IGSF11: variants seen among roughly 807,000 people sequenced by gnomAD.
IGSF11 encodes immunoglobulin superfamily member 11.
IGSF11 carries 22 observed loss-of-function variants against 41.0 expected under a neutral mutation model. The ratio of observed to expected loss-of-function variants is 0.54; its 90% confidence interval spans 0.38 to 0.77. The LOEUF (loss-of-function observed/expected upper bound fraction) is 0.77. Among genes scored for constraint, IGSF11 ranks in the 30% least tolerant of loss-of-function variants. The pLI is 0.00. For synonymous variants in IGSF11, 219 were observed against 201.3 expected, an observed-to-expected ratio of 1.09 and a Z score of -0.74; for missense variants, 444 against 530.8, an observed-to-expected ratio of 0.84 and a Z score of 1.61.
chr3:118,907,767 A>G (rs1369097706), intron 4 of IGSF11, among the ~76,000 whole-genome samples: 1 of 152,240 alleles, frequency 6.6e-6, no homozygotes, highest in Non-Finnish European at 1.5e-5. Flanking sequence ...CACAAGTAGC[A>G]GCAATCTATA....
chr3:118,910,827 C>A (rs1050755553), intron 4 of IGSF11, among the ~76,000 whole-genome samples: 1 of 152,114 alleles, frequency 6.6e-6, no homozygotes, highest in Non-Finnish European at 1.5e-5. Flanking sequence ...CCACTTTTAA[C>A]CAGTAAAACT....
intron 1 of IGSF11, among the ~76,000 whole-genome samples, chr3:118,938,729 G>C (rs1012849841): frequency 3.3e-5 from 5 of 152,176 alleles, no homozygotes; most frequent in Non-Finnish European, 5.9e-5. Context: ...GGAGAGGCTG[G>C]ACACCTAATT....
At position 119,005,310 on chromosome 3, in the gene IGSF11, T is replaced by G. The variant is rs1311958566; in HGVS notation, c.52+29221A>C. Among the ~76,000 whole-genome samples the G allele has an allele frequency of 3.5e-3, 517 of 149,000 alleles. 3 individuals are homozygous for G. Among genetic ancestry groups the G allele is most frequent in the Non-Finnish European group, 6.0e-3 (403 of 67,488 alleles). Reference sequence around the variant, plus strand: ...CCCCTGCCTTTTTTTGTTTTCCATTTGCTTGGTAGATCTTCCTCCACCCTT... The same window carrying G: ...CCCCTGCCTTTTTTTGTTTTCCATTGGCTTGGTAGATCTTCCTCCACCCTT... On this transcript the variant is annotated intron_variant, in intron 1 of 6. Transcript: ENST00000393775.
At chr3:119,040,334 T>C (rs1941072595) in intron 1 of IGSF11, among the ~76,000 whole-genome samples, 1 of 152,182 alleles carries the variant, frequency 6.6e-6, no homozygotes, top group South Asian at 2.1e-4. Context: ...CTTCCCCTCA[T>C]CCACCAAGTT....
intron 1 of IGSF11, among the ~76,000 whole-genome samples, chr3:119,079,086 G>A (rs2076548145): frequency 6.6e-6 from 1 of 152,110 alleles, no homozygotes; most frequent in Non-Finnish European, 1.5e-5. Context: ...GGCCGGGCAT[G>A]GTAGCTCATG....
At chr3:118,972,914 G>C (rs1933608936) in intron 1 of IGSF11, among the ~76,000 whole-genome samples, 1 of 152,188 alleles carries the variant, frequency 6.6e-6, no homozygotes, top group African/African-American at 2.4e-5. Context: ...GTGACCTTCA[G>C]GTAATGCCAG....
intron 1 of IGSF11, among the ~76,000 whole-genome samples, chr3:118,979,713 C>T (rs896130834): frequency 2.0e-5 from 3 of 151,996 alleles, no homozygotes; most frequent in African/African-American, 7.3e-5. Flanking sequence ...TTCTGCATAA[C>T]AAAAGAAACA....
intron 1 of IGSF11, among the ~76,000 whole-genome samples, chr3:119,078,962 C>T (rs956832326): frequency 1.3e-5 from 2 of 152,000 alleles, no homozygotes; most frequent in East Asian, 1.9e-4. Context: ...GTGGCCAACA[C>T]GCACATGAAA....
At chr3:119,031,731 T>C (rs539749444) in intron 1 of IGSF11, among the ~76,000 whole-genome samples, 59 of 152,372 alleles carry the variant, frequency 3.9e-4, no homozygotes, top group African/African-American at 1.4e-3. Flanking sequence ...AGCTGTCATC[T>C]TTCATGTAGG....
intron 1 of IGSF11, among the ~76,000 whole-genome samples, chr3:119,124,554 A>C (rs2077377496): frequency 6.6e-6 from 1 of 151,680 alleles, no homozygotes; most frequent in Non-Finnish European, 1.5e-5. Context: ...TAATGGCAGA[A>C]TAAATCAAGC....
intron 1 of IGSF11, among the ~76,000 whole-genome samples, chr3:118,935,375 TAC>T (rs551306391): frequency 0.016 from 1,778 of 113,434 alleles, 47 homozygotes; most frequent in African/African-American, 0.058. Context: ...CTGAGATATA[TAC>T]ACACACACAC....
At chr3:118,915,371 G>A (rs1345755833) in intron 4 of IGSF11, among the ~76,000 whole-genome samples, 1 of 54,620 alleles carries the variant, frequency 1.8e-5, no homozygotes, top group Non-Finnish European at 2.9e-5. Flanking sequence ...AAATTTAGAA[G>A]AATGTATAAC....
upstream of IGSF11, among the ~76,000 whole-genome samples, chr3:119,107,366 T>C (rs186098414): frequency 9.2e-5 from 14 of 152,390 alleles, no homozygotes; most frequent in Admixed American, 7.8e-4. Flanking sequence ...CATATGTCTT[T>C]TGGCTGCATA....
At chr3:119,101,150 TA>T (rs2076933973) in intron 1 of IGSF11, among the ~76,000 whole-genome samples, 1 of 152,360 alleles carries the variant, frequency 6.6e-6, no homozygotes, top group South Asian at 2.1e-4. Flanking sequence ...TCATCATTTC[TA>T]ATACAAATGA....
chr3:119,100,623 T>A (rs569579857), intron 1 of IGSF11, among the ~76,000 whole-genome samples: 1 of 152,354 alleles, frequency 6.6e-6, no homozygotes, highest in South Asian at 2.1e-4. Flanking sequence ...AACTTCATAC[T>A]TCAACTTATT....
chr3:119,122,141 A>G (rs765095683), intron 1 of IGSF11, among the ~76,000 whole-genome samples: 18 of 152,348 alleles, frequency 1.2e-4, no homozygotes, highest in Non-Finnish European at 1.8e-4. Flanking sequence ...TATTTCTGAA[A>G]GAGGCACTGA....
Position 118,920,879 on chromosome 3 carries a change from A to AT in IGSF11, c.580+5221dup, listed in dbSNP as rs1327673160. On this transcript the variant is annotated intron_variant, in intron 4 of 6. Transcript: ENST00000393775. Reference sequence around the variant, plus strand: ...GTACAAATACCCTAACACCTGCAATATAATGGCTCTTAAATTCTCCACCTT... The same window carrying AT: ...GTACAAATACCCTAACACCTGCAATATTAATGGCTCTTAAATTCTCCACCTT... Among the ~76,000 whole-genome samples, 4 of 152,186 alleles carry AT rather than the reference A, an allele frequency of 2.6e-5. No homozygotes were observed. In the East Asian group the frequency reaches 7.7e-4, roughly 29 times the overall value.
intron 1 of IGSF11, among the ~76,000 whole-genome samples, chr3:118,964,077 T>TCC (rs1228587878): frequency 7.0e-4 from 107 of 152,178 alleles, no homozygotes; most frequent in African/African-American, 2.5e-3. Flanking sequence ...CATCTACCCA[T>TCC]CCCCACCCCC....
chr3:118,904,621 CA>C (rs771760731), intron 6 of IGSF11, 26 bp downstream of exon 6: 1 of 1,563,098 alleles, frequency 6.4e-7, no homozygotes, highest in South Asian at 1.1e-5. Flanking sequence ...CTATGCAGGA[CA>C]AATTTTAAAA....
Sources: gnomAD v4.1 joint callset for allele counts (sites outside exome capture counted in the v4.1 genomes callset) on GRCh38, gnomAD v4.1.1 for gene constraint, MANE v1.5 for transcripts, NCBI Gene and HGNC (gene_info 2026-07-23, HGNC 2026-07-21) for gene names.